PRKCZ: variants seen among roughly 807,000 people sequenced by gnomAD.
PRKCZ encodes protein kinase C zeta, also known as protein kinase C zeta type.
Under a neutral mutation model 79.5 loss-of-function variants are expected in PRKCZ, and 33 were observed. That is an observed-to-expected ratio of 0.41 (90% CI 0.31 to 0.55). The LOEUF (loss-of-function observed/expected upper bound fraction) is 0.55. Ranked by LOEUF, PRKCZ falls within the 20% of genes least tolerant of loss-of-function variation. The probability of loss-of-function intolerance (pLI) is 0.19; values close to 1 mark genes in which losing one functional copy is unlikely to be tolerated. For missense variants in PRKCZ, 578 were observed against 813.5 expected, an observed-to-expected ratio of 0.71 and a Z score of 3.52; for synonymous variants, 342 against 320.9, an observed-to-expected ratio of 1.07 and a Z score of -0.70.
intron 7 of PRKCZ, among the ~76,000 whole-genome samples, chr1:2,147,906 T>C (rs535434181): frequency 8.5e-5 from 13 of 152,242 alleles, no homozygotes; most frequent in Admixed American, 5.9e-4. Flanking sequence ...TCTCCATCTT[T>C]CCGTCTGTTG....
chr1:2,120,770 C>G (rs1671727959), intron 4 of PRKCZ, among the ~76,000 whole-genome samples: 1 of 151,266 alleles, frequency 6.6e-6, no homozygotes, highest in African/African-American at 2.4e-5. Flanking sequence ...CCAATCTACT[C>G]TTAAATCTAC....
chr1:2,147,567 AC>A, intron 7 of PRKCZ, among the ~76,000 whole-genome samples: 1 of 149,788 alleles, frequency 6.7e-6, no homozygotes, highest in Non-Finnish European at 1.5e-5. Flanking sequence ...TTGTCCACTG[AC>A]CTCTCCATCT....
At chr1:2,088,895 A>T (rs1051512898) in intron 4 of PRKCZ, among the ~76,000 whole-genome samples, 4 of 152,226 alleles carry the variant, frequency 2.6e-5, no homozygotes, top group Non-Finnish European at 5.9e-5. Flanking sequence ...GAAAAGCTCA[A>T]ATTGCTCTTG....
At chr1:2,144,545 C>G in intron 6 of PRKCZ, 1 of 1,410,524 alleles carries the variant, frequency 7.1e-7, no homozygotes, top group Non-Finnish European at 9.2e-7. Context: ...CCCCGGCACA[C>G]TCTGCTCATT....
intron 10 of PRKCZ, among the ~76,000 whole-genome samples, chr1:2,159,511 G>C (rs1181931767): frequency 6.6e-6 from 1 of 152,256 alleles, no homozygotes; most frequent in Non-Finnish European, 1.5e-5. Context: ...GGGGGAACCT[G>C]GCCGATGAAA....
At chr1:2,164,950 A>C (rs3128305) in intron 10 of PRKCZ, among the ~76,000 whole-genome samples, 11,660 of 152,256 alleles carry the variant, frequency 0.077, 529 homozygotes, top group Middle Eastern at 0.12. Flanking sequence ...GGCTCCAGGA[A>C]GGTGAGGGGC....
At chr1:2,060,936 C>T (rs531941530) in intron 4 of PRKCZ, among the ~76,000 whole-genome samples, 32 of 152,326 alleles carry the variant, frequency 2.1e-4, no homozygotes, top group African/African-American at 6.5e-4. Context: ...CCACGCCTCA[C>T]GGACCCTGGA....
chr1:2,108,696 G>A (rs1224447752), intron 4 of PRKCZ, among the ~76,000 whole-genome samples: 1 of 152,240 alleles, frequency 6.6e-6, no homozygotes, highest in African/African-American at 2.4e-5. Flanking sequence ...CTGTGAGCGA[G>A]GCTGTCTGAT....
At chr1:2,114,209 G>A (rs1256016432) in intron 4 of PRKCZ, among the ~76,000 whole-genome samples, 3 of 115,244 alleles carry the variant, frequency 2.6e-5, no homozygotes, top group African/African-American at 1.0e-4. Flanking sequence ...GAGGGACCCC[G>A]GATGCAGGGC....
chr1:2,080,969 C>G (rs1045031653), intron 4 of PRKCZ, among the ~76,000 whole-genome samples: 8 of 152,110 alleles, frequency 5.3e-5, no homozygotes, highest in Non-Finnish European at 1.2e-4. Flanking sequence ...CTCCTTATAT[C>G]GCTGGGTCCA....
intron 1 of PRKCZ, among the ~76,000 whole-genome samples, chr1:2,051,418 C>T (rs1028862693): frequency 1.3e-5 from 2 of 152,202 alleles, no homozygotes; most frequent in Admixed American, 1.3e-4. Flanking sequence ...GGGGTCGCTG[C>T]CCCCCGAAGT....
In PRKCZ at chr1:2,099,664, G is replaced by A. The variant is rs189971902; in HGVS notation, c.335-35598G>A. The stretch of plus-strand genomic sequence containing the variant: ...TGTGGGTGGTGCCCAGGCATTGACA[G>A]AGGGGAGCTCACTGGACGGGGCAGC... On this transcript the variant is annotated intron_variant, in intron 4 of 17. Transcript: ENST00000378567. 0.018 allele frequency among the ~76,000 whole-genome samples: 2,761 copies of A among 149,722 alleles called. 209 individuals carry two copies. In the East Asian group the frequency reaches 0.21, roughly 12 times the overall value.
chr1:2,055,621 C>A (rs1371385721), intron 2 of PRKCZ, 59 bp downstream of exon 2: 1 of 1,573,006 alleles, frequency 6.4e-7, no homozygotes, highest in Non-Finnish European at 8.6e-7. Context: ...GCCAGGGCAG[C>A]CTCTGTGTGC....
At chr1:2,158,447 G>A (rs1262924209) in intron 10 of PRKCZ, among the ~76,000 whole-genome samples, 1 of 152,366 alleles carries the variant, frequency 6.6e-6, no homozygotes, top group South Asian at 2.1e-4. Context: ...GCCTGCGCCT[G>A]ACGGCTCTGT....
chr1:2,151,894 G>A (rs1249899636), intron 9 of PRKCZ, among the ~76,000 whole-genome samples: 1 of 152,130 alleles, frequency 6.6e-6, no homozygotes, highest in African/African-American at 2.4e-5. Flanking sequence ...GCATGATCAC[G>A]GTTCACCTCC....
chr1:2,050,160 C>G (rs940904995), upstream of PRKCZ: 6 of 152,124 alleles, frequency 3.9e-5, no homozygotes, highest in Non-Finnish European at 1.5e-5. Flanking sequence ...AGGCCGGGGC[C>G]CCTCCGGTTG....
chr1:2,093,767 C>T lies in PRKCZ; in HGVS notation c.334+34176C>T, dbSNP rs193074127. On this transcript the variant is annotated intron_variant, in intron 4 of 17. Coordinates refer to ENST00000378567, the MANE Select transcript of PRKCZ (RefSeq NM_002744.6). ...AGGAACCCCAGGGCCTCACAGAGGACGTGCTGTGTACGGTGCCTCCTCCCT... is the reference window on the plus strand; with the variant it reads ...AGGAACCCCAGGGCCTCACAGAGGATGTGCTGTGTACGGTGCCTCCTCCCT... Among the ~76,000 whole-genome samples the T allele has an allele frequency of 5.3e-4, 81 of 152,290 alleles. No individual in the cohort carries two copies. In the South Asian group the frequency reaches 0.014, roughly 26 times the overall value.
intron 10 of PRKCZ, chr1:2,156,561 TTAAG>T: frequency 5.1e-6 from 1 of 194,884 alleles, no homozygotes; most frequent in Non-Finnish European, 1.1e-5. Flanking sequence ...TGAAGAGTTA[TTAAG>T]TATGTTCTGC....
At chr1:2,064,164 GTCT>G (rs1660936020) in intron 4 of PRKCZ, among the ~76,000 whole-genome samples, 1 of 152,180 alleles carries the variant, frequency 6.6e-6, no homozygotes, top group Non-Finnish European at 1.5e-5. Context: ...CCATTTCTGT[GTCT>G]TCTTTGGTGA....
Sources: allele counts gnomAD v4.1 joint callset (sites outside exome capture counted in the v4.1 genomes callset), GRCh38; gene constraint gnomAD v4.1.1; transcripts MANE v1.5; gene names NCBI Gene and HGNC (gene_info 2026-07-23, HGNC 2026-07-21).